Variants in CSMD2 observed in about 807,000 individuals in gnomAD.
CSMD2 encodes CUB and Sushi multiple domains 2, also known as CUB and sushi domain-containing protein 2.
In CSMD2, 130 loss-of-function variants were observed where a neutral mutation model predicts 398.5. The observed-to-expected ratio is 0.33, with a 90% confidence interval of 0.28 to 0.38. The LOEUF is 0.38. Ranked by LOEUF, CSMD2 falls within the 10% of genes least tolerant of loss-of-function variation. The pLI is 1.00. For missense variants in CSMD2, 3,829 were observed against 4,764.9 expected (o/e 0.80, Z 5.78); for synonymous variants, 1,828 against 1,908.5 (o/e 0.96, Z 1.10).
intron 5 of CSMD2, among the ~76,000 whole-genome samples, chr1:33,869,601 C>T (rs996927231): frequency 6.6e-5 from 10 of 152,194 alleles, no homozygotes; most frequent in African/African-American, 2.2e-4. Context: ...TTTAGTATTT[C>T]TGGGAGTTGG....
intron 11 of CSMD2, among the ~76,000 whole-genome samples, chr1:33,792,182 C>G (rs1225144217): frequency 1.3e-5 from 2 of 152,160 alleles, no homozygotes; most frequent in Non-Finnish European, 2.9e-5. Context: ...TCTCCCCTGC[C>G]CCCTAACAGA....
intron 5 of CSMD2, among the ~76,000 whole-genome samples, chr1:33,904,115 T>C (rs958119626): frequency 2.0e-5 from 3 of 152,152 alleles, no homozygotes; most frequent in Non-Finnish European, 4.4e-5. Flanking sequence ...TAGTAAGCCA[T>C]TGGGAGGCTT....
intron 1 of CSMD2, among the ~76,000 whole-genome samples, chr1:34,160,287 T>A (rs966307248): frequency 1.1e-4 from 16 of 152,214 alleles, no homozygotes; most frequent in Non-Finnish European, 1.6e-4. Context: ...GCTCATTTTT[T>A]AAAAACCATA....
chr1:33,788,774 C>T, intron 11 of CSMD2, 62 bp from the exon 12 acceptor site: 2 of 1,085,754 alleles, frequency 1.8e-6, no homozygotes, highest in Non-Finnish European at 2.8e-6. Flanking sequence ...AGAATGATTG[C>T]CTGACCGATG....
At chr1:33,812,915 T>C (rs939808180) in intron 9 of CSMD2, 10 of 151,934 alleles carry the variant, frequency 6.6e-5, no homozygotes, top group African/African-American at 2.2e-4. Context: ...TAGGTTTTTT[T>C]CCCCCACAAG....
At chr1:33,810,660 C>A in intron 10 of CSMD2, 83 bp downstream of exon 10, 1 of 1,396,982 alleles carries the variant, frequency 7.2e-7, no homozygotes, top group South Asian at 1.3e-5. Context: ...TCAGTAAGTT[C>A]TGGGTTTGAA....
intron 25 of CSMD2, among the ~76,000 whole-genome samples, chr1:33,677,227 C>T (rs518749): frequency 0.33 from 50,088 of 151,924 alleles, 8,551 homozygotes; most frequent in Admixed American, 0.41. Context: ...AAAGGGCTAA[C>T]ATCCAGAATC....
At chr1:33,689,570 T>C (rs528330977) in intron 25 of CSMD2, among the ~76,000 whole-genome samples, 124 of 152,204 alleles carry the variant, frequency 8.1e-4, no homozygotes, top group African/African-American at 2.6e-3. Context: ...GTGAAAATGG[T>C]CCTCACTACT....
chr1:33,982,596 C>G (rs1248289793), intron 3 of CSMD2, among the ~76,000 whole-genome samples: 1 of 152,214 alleles, frequency 6.6e-6, no homozygotes, highest in Non-Finnish European at 1.5e-5. Context: ...ATGGTAGGAA[C>G]TCACTCAATT....
chr1:33,605,907 G>C lies in CSMD2; in HGVS notation c.6344-437C>G, dbSNP rs199946543. 55 of 1,613,884 alleles carry C rather than the reference G, an allele frequency of 3.4e-5. No individual in the cohort carries two copies. The East Asian group carries it at 1.2e-3, about 35-fold the overall frequency. On this transcript the variant is annotated intron_variant, in intron 41 of 70. Coordinates refer to ENST00000373381, the MANE Select transcript of CSMD2 (RefSeq NM_001281956.2). Reference sequence around the variant, plus strand: ...ATCCCAGACATAGGAAGCGGCGACGGGAGGAGTTGAGTTGGTTCTTTCCAA... The same window carrying C: ...ATCCCAGACATAGGAAGCGGCGACGCGAGGAGTTGAGTTGGTTCTTTCCAA...
chr1:33,879,061 C>A (rs375774497), intron 5 of CSMD2, among the ~76,000 whole-genome samples: 2 of 152,194 alleles, frequency 1.3e-5, no homozygotes, highest in African/African-American at 2.4e-5. Context: ...AGAGTTCTCT[C>A]GGCTGGAGGT....
intron 5 of CSMD2, chr1:33,878,061 C>A (rs1640964585): frequency 6.6e-6 from 1 of 152,038 alleles, no homozygotes. Flanking sequence ...GCTGGAGTGA[C>A]CATTTGGGAC....
chr1:33,812,355 A>G (rs1226031022), intron 9 of CSMD2, among the ~76,000 whole-genome samples: 1 of 152,042 alleles, frequency 6.6e-6, no homozygotes, highest in Non-Finnish European at 1.5e-5. Context: ...CTGGGAGGAG[A>G]TTTCTTCTCA....
chr1:33,623,515 C>T (rs1340448362), intron 35 of CSMD2, 49 bp from the exon 36 acceptor site: 1 of 1,335,298 alleles, frequency 7.5e-7, no homozygotes, highest in Non-Finnish European at 1.1e-6. Context: ...TGCGTCCCTC[C>T]CTCCTTCTCT....
chr1:33,644,199 C>T (rs1182792152), intron 29 of CSMD2, among the ~76,000 whole-genome samples: 1 of 152,010 alleles, frequency 6.6e-6, no homozygotes, highest in Non-Finnish European at 1.5e-5. Flanking sequence ...GGTCAACAGG[C>T]AAAAGTGGAA....
intron 3 of CSMD2, among the ~76,000 whole-genome samples, chr1:34,021,127 T>C (rs1461559831): frequency 1.3e-5 from 2 of 152,206 alleles, no homozygotes; most frequent in Admixed American, 6.5e-5. Flanking sequence ...AAAACAGTGG[T>C]TAATCACTCC....
intron 25 of CSMD2, among the ~76,000 whole-genome samples, chr1:33,681,374 T>C (rs898364479): frequency 2.4e-4 from 37 of 152,226 alleles, no homozygotes; most frequent in African/African-American, 6.5e-4. Context: ...ACTCCTAAAC[T>C]TGTATTTTCT....
At position 33,820,457 on chromosome 1, in the gene CSMD2, A is replaced by G. The variant is rs758660724; in HGVS notation, c.1199+12T>C. 6.3e-7 allele frequency: 1 copy of G among 1,596,182 alleles called. No homozygotes were observed. Among genetic ancestry groups the G allele is most frequent in the Non-Finnish European group, 8.6e-7 (1 of 1,164,142 alleles). On this transcript the variant is annotated intron_variant, in intron 8 of 70. Transcript: ENST00000373381. Reference sequence around the variant, plus strand: ...CCTTCTTGCAATCAGAAAATTCCCAAATAGATCTTACCTGAAATCCGAGCC... The same window carrying G: ...CCTTCTTGCAATCAGAAAATTCCCAGATAGATCTTACCTGAAATCCGAGCC...
intron 26 of CSMD2, among the ~76,000 whole-genome samples, chr1:33,659,231 C>T (rs1438432814): frequency 6.6e-6 from 1 of 152,164 alleles, no homozygotes; most frequent in East Asian, 1.9e-4. Context: ...GGAAGGAATA[C>T]ATAAATAGGA....
Sources: allele counts gnomAD v4.1 joint callset (sites outside exome capture counted in the v4.1 genomes callset), GRCh38; gene constraint gnomAD v4.1.1; transcripts MANE v1.5; gene names NCBI Gene and HGNC (gene_info 2026-07-23, HGNC 2026-07-21).